The following OSBP2 variants were observed in gnomAD, a reference collection of about 807,000 sequenced individuals.
OSBP2 encodes the protein oxysterol-binding protein 2.
Under a neutral mutation model 96.0 loss-of-function variants are expected in OSBP2, and 66 were observed. That is an observed-to-expected ratio of 0.69 (90% CI 0.56 to 0.84). The LOEUF (loss-of-function observed/expected upper bound fraction) is 0.84. Ranked by LOEUF, OSBP2 falls within the 40% of genes least tolerant of loss-of-function variation. The pLI is 0.00. For missense variants in OSBP2, 1,038 were observed against 1,222.7 expected (o/e 0.85, Z 2.25); for synonymous variants, 525 against 520.9 (o/e 1.01, Z -0.11).
In OSBP2 at chr22:30,881,748, C is replaced by G; in HGVS notation, c.1108-5678C>G. On this transcript the variant is annotated intron_variant, in intron 3 of 13. Coordinates refer to ENST00000332585, the MANE Select transcript of OSBP2 (RefSeq NM_030758.4). The surrounding 1 kb of genome is among the most constrained non-coding windows in gnomAD (Gnocchi z 4.5). The stretch of plus-strand genomic sequence containing the variant: ...CCCCACAGCACAGCCAGGATGGGGC[C>G]TGGAGAAGGCCGGCAGCAGCAGAGG... 7.7e-7 allele frequency: 1 copy of G among 1,304,194 alleles called. No individual in the cohort carries two copies. Among genetic ancestry groups the G allele is most frequent in the Non-Finnish European group, 1.0e-6 (1 of 988,930 alleles). The allele number at this position is 1,304,194 out of a possible 1,614,324, so 80.8% of individuals were successfully genotyped here.
intron 3 of OSBP2, among the ~76,000 whole-genome samples, chr22:30,873,893 C>T (rs1233753726): frequency 6.6e-6 from 1 of 152,202 alleles, no homozygotes; most frequent in Non-Finnish European, 1.5e-5. Flanking sequence ...GCTCCATCTT[C>T]ACTTTTCCCC....
At chr22:30,803,272 C>T (rs1477557661) in intron 2 of OSBP2, 4 of 153,422 alleles carry the variant, frequency 2.6e-5, no homozygotes, top group Non-Finnish European at 5.8e-5. Flanking sequence ...TTGTAAATTT[C>T]TTCCAGCCCA....
Position 30,835,980 on chromosome 22 carries a change from A to G in OSBP2, c.854-34449A>G, listed in dbSNP as rs1202707125. ...GTGCTCCTCCTGCCTTGGCCTTCCA[A>G]ATGCTGGGATTACAGGCATGAGCCA... On this transcript the variant is annotated intron_variant, in intron 2 of 13. Transcript: ENST00000332585. 3.3e-5 allele frequency among the ~76,000 whole-genome samples: 5 copies of G among 152,076 alleles called. No individual in the cohort carries two copies. In the East Asian group the frequency reaches 5.8e-4, roughly 18 times the overall value.
chr22:30,840,360 T>G (rs932982551), intron 2 of OSBP2, among the ~76,000 whole-genome samples: 1 of 152,022 alleles, frequency 6.6e-6, no homozygotes, highest in African/African-American at 2.4e-5. Flanking sequence ...GATCCCTTCC[T>G]TACACCTTAC....
chr22:30,870,233 C>T lies in OSBP2; in HGVS notation c.854-196C>T, dbSNP rs2039429525. Reference sequence around the variant, plus strand: ...TCCCACTGACTCAGGTGGGCCCTTGCCCACCCCACCCTGGGAAGGCTGGGC... The same window carrying T: ...TCCCACTGACTCAGGTGGGCCCTTGTCCACCCCACCCTGGGAAGGCTGGGC... On this transcript the variant is annotated intron_variant, in intron 2 of 13. Transcript: ENST00000332585. The surrounding 1 kb of genome is among the most constrained non-coding windows in gnomAD (Gnocchi z 4.1). 6.6e-6 allele frequency among the ~76,000 whole-genome samples: 1 copy of T among 152,130 alleles called. No homozygotes were observed. Among genetic ancestry groups the T allele is most frequent in the Non-Finnish European group, 1.5e-5 (1 of 68,006 alleles).
At chr22:30,771,594 C>T (rs949131929) in intron 2 of OSBP2, among the ~76,000 whole-genome samples, 8 of 152,210 alleles carry the variant, frequency 5.3e-5, no homozygotes, top group Admixed American at 1.3e-4. Context: ...GGGCCACCTG[C>T]CAGTGGGGGT....
intron 2 of OSBP2, among the ~76,000 whole-genome samples, chr22:30,826,963 T>G (rs1289552330): frequency 6.6e-6 from 1 of 152,074 alleles, no homozygotes; most frequent in Non-Finnish European, 1.5e-5. Flanking sequence ...GGACAGTGGG[T>G]CTCTTAGGTG....
At chr22:30,728,171 C>T (rs1237236921) in intron 1 of OSBP2, among the ~76,000 whole-genome samples, 1 of 150,660 alleles carries the variant, frequency 6.6e-6, no homozygotes, top group Admixed American at 6.6e-5. Context: ...CTGAGGCGGG[C>T]GGATCACGAG....
intron 1 of OSBP2, among the ~76,000 whole-genome samples, chr22:30,697,751 C>T (rs541938065): frequency 7.9e-5 from 12 of 152,222 alleles, no homozygotes; most frequent in East Asian, 1.9e-4. Context: ...TCGGACTTTT[C>T]GAGATTCTAA....
chr22:30,802,111 G>C (rs548661382), intron 2 of OSBP2, among the ~76,000 whole-genome samples: 13 of 152,320 alleles, frequency 8.5e-5, no homozygotes, highest in African/African-American at 2.9e-4. Context: ...GAACCAGAAG[G>C]AGCCCCACCC....
chr22:30,837,360 C>A (rs5753341), intron 2 of OSBP2, among the ~76,000 whole-genome samples: 15,940 of 151,996 alleles, frequency 0.1, 949 homozygotes, highest in East Asian at 0.23. Context: ...TTATTTGTGC[C>A]CAGGCAGTGA....
intron 12 of OSBP2, chr22:30,894,249 C>A (rs1034793047): frequency 9.2e-6 from 4 of 434,736 alleles, no homozygotes; most frequent in East Asian, 3.5e-5. Flanking sequence ...TTCCTCCCTA[C>A]AAGAAATAAA....
chr22:30,905,363 C>G (rs1366272535), intron 12 of OSBP2, among the ~76,000 whole-genome samples: 5 of 151,596 alleles, frequency 3.3e-5, no homozygotes, highest in African/African-American at 1.2e-4. Context: ...AGGCTGGTCT[C>G]GAACTCCTGA....
At chr22:30,880,772 GT>G (rs1175984146) in intron 3 of OSBP2, among the ~76,000 whole-genome samples, 3 of 152,206 alleles carry the variant, frequency 2.0e-5, no homozygotes, top group African/African-American at 7.2e-5. Flanking sequence ...AGCGATTAGA[GT>G]TTGTCCTCCT....
intron 2 of OSBP2, among the ~76,000 whole-genome samples, chr22:30,860,871 C>A (rs970329351): frequency 3.9e-5 from 6 of 152,214 alleles, no homozygotes; most frequent in African/African-American, 1.4e-4. Flanking sequence ...TTTTGTGCTC[C>A]ATTTCTGTGC....
At chr22:30,714,349 T>C (rs1378435016) in intron 1 of OSBP2, among the ~76,000 whole-genome samples, 1 of 152,186 alleles carries the variant, frequency 6.6e-6, no homozygotes, top group Non-Finnish European at 1.5e-5. Context: ...CTATTGTGAA[T>C]AGTTCTACAA....
chr22:30,756,494 A>G (rs1602221835), intron 2 of OSBP2, among the ~76,000 whole-genome samples: 1 of 152,128 alleles, frequency 6.6e-6, no homozygotes, highest in African/African-American at 2.4e-5. Context: ...GGAGTTCCAG[A>G]CCAGCCTGAC....
At position 30,764,316 on chromosome 22, in the gene OSBP2, T is replaced by C. The variant is rs991838566; in HGVS notation, c.853+22947T>C. The stretch of plus-strand genomic sequence containing the variant: ...GATGAGGAGGGGGTTGGGTGGCTGG[T>C]GGCCCTAGAGGCTGGCCCTAAAGAA... On this transcript the variant is annotated intron_variant, in intron 2 of 13. Transcript: ENST00000332585. 1.3e-5 allele frequency: 13 copies of C among 985,190 alleles called. No homozygotes were observed. The African/African-American group carries it at 2.3e-4, about 17-fold the overall frequency. 61.0% of individuals were successfully genotyped at this position (985,190 alleles called of 1,614,324 possible).
chr22:30,858,801 C>T (rs1203961159), intron 2 of OSBP2, among the ~76,000 whole-genome samples: 1 of 151,456 alleles, frequency 6.6e-6, no homozygotes, highest in Non-Finnish European at 1.5e-5. Context: ...ACTGCTTGAA[C>T]CCGGGAGATG....
Sources: allele counts gnomAD v4.1 joint callset (sites outside exome capture counted in the v4.1 genomes callset), GRCh38; gene constraint gnomAD v4.1.1; non-coding constraint Gnocchi (gnomAD v3.1); transcripts MANE v1.5; gene names NCBI Gene and HGNC (gene_info 2026-07-23, HGNC 2026-07-21).